Variants in TRIM44 observed in about 807,000 individuals in gnomAD.
TRIM44 encodes the protein tripartite motif containing 44.
TRIM44 carries 13 observed loss-of-function variants against 37.4 expected under a neutral mutation model. The ratio of observed to expected loss-of-function variants is 0.35; its 90% CI spans 0.23 to 0.55. The LOEUF (loss-of-function observed/expected upper bound fraction) is 0.55, where lower values mean the gene tolerates loss of function less well. Ranked by LOEUF, TRIM44 falls within the 20% of genes least tolerant of loss-of-function variation. The probability of loss-of-function intolerance (pLI) is 0.89; values close to 1 mark genes in which losing one functional copy is unlikely to be tolerated. For synonymous variants in TRIM44, 175 were observed against 157.2 expected (o/e 1.11, Z -0.85); for missense variants, 426 against 437.2 (o/e 0.97, Z 0.23).
At chr11:35,720,220 T>C (rs1432992694) in intron 2 of TRIM44, among the ~76,000 whole-genome samples, 1 of 152,206 alleles carries the variant, frequency 6.6e-6, no homozygotes, top group African/African-American at 2.4e-5. Flanking sequence ...TTTTATAGTT[T>C]TCCTCTTATA....
At chr11:35,775,133 C>CT (rs1380221198) in intron 4 of TRIM44, among the ~76,000 whole-genome samples, 3 of 152,198 alleles carry the variant, frequency 2.0e-5, no homozygotes, top group African/African-American at 7.2e-5. Context: ...TTTGTGTCCT[C>CT]TTTTATTTCA....
At chr11:35,759,879 A>G (rs1852698627) in intron 4 of TRIM44, among the ~76,000 whole-genome samples, 1 of 152,134 alleles carries the variant, frequency 6.6e-6, no homozygotes, top group Non-Finnish European at 1.5e-5. Context: ...AGGAGTACCC[A>G]GCCGTGTGAG....
intron 2 of TRIM44, among the ~76,000 whole-genome samples, chr11:35,709,966 A>C (rs1228999052): frequency 6.6e-6 from 1 of 152,222 alleles, no homozygotes; most frequent in East Asian, 1.9e-4. Context: ...AGACCAAAAA[A>C]AAGTAAAATG....
At chr11:35,740,279 T>C (rs910821466) in intron 4 of TRIM44, among the ~76,000 whole-genome samples, 16 of 152,104 alleles carry the variant, frequency 1.1e-4, no homozygotes, top group Non-Finnish European at 1.2e-4. Context: ...TGGAGCCTGC[T>C]GAGAAGTAAT....
At chr11:35,747,500 G>A (rs1429465888) in intron 4 of TRIM44, among the ~76,000 whole-genome samples, 3 of 152,176 alleles carry the variant, frequency 2.0e-5, no homozygotes, top group Admixed American at 1.3e-4. Flanking sequence ...TTTGTCAGAA[G>A]ATGGAAGATT....
chr11:35,779,445 C>T (rs1853028838), intron 4 of TRIM44, among the ~76,000 whole-genome samples: 1 of 152,064 alleles, frequency 6.6e-6, no homozygotes, highest in African/African-American at 2.4e-5. Context: ...TGAGCTGCAC[C>T]CACTGTCCGA....
Position 35,663,500 on chromosome 11 carries a change from A to T in TRIM44, c.389A>T (p.Glu130Val). The T allele has an allele frequency of 6.3e-7, 1 of 1,584,578 alleles. No individual in the cohort carries two copies. Among genetic ancestry groups the T allele is most frequent in the South Asian group, 1.1e-5 (1 of 87,914 alleles). ...GATGAGGAGAGTGAAGAAGACAGCG[A>T]GGAAGAAATGGAGGATGAGCAAGAA... ...ESDEESEEDS[E>V]EEMEDEQESE... Residue 130 changes from glutamate (E) to valine (V), a missense_variant, in exon 1 of 5, where the codon GAG becomes GTG. This residue lies in a region of TRIM44 where 331 missense variants were observed against 303.0 expected (regional missense o/e 1.09). Coordinates refer to ENST00000299413, the MANE Select transcript of TRIM44 (RefSeq NM_017583.6).
At chr11:35,752,689 A>G (rs564521286) in intron 4 of TRIM44, among the ~76,000 whole-genome samples, 1 of 152,202 alleles carries the variant, frequency 6.6e-6, no homozygotes, top group African/African-American at 2.4e-5. Context: ...CACCTTAGCC[A>G]TATTGCTTTC....
intron 2 of TRIM44, among the ~76,000 whole-genome samples, chr11:35,703,948 G>GAT (rs1449795676): frequency 6.6e-6 from 1 of 152,144 alleles, no homozygotes; most frequent in African/African-American, 2.4e-5. Flanking sequence ...GGCTTCAGAC[G>GAT]ATCAAACTAC....
In TRIM44 at chr11:35,732,371, A is replaced by C. The variant is rs11825407; in HGVS notation, c.988-3055A>C. On this transcript the variant is annotated intron_variant, in intron 3 of 4. Coordinates refer to ENST00000299413, the MANE Select transcript of TRIM44 (RefSeq NM_017583.6). ...GGAGCAGTGCTTAATCTAACAAGTC[A>C]TTTAAATGGAAGTTGGTATTTAATA... Among the ~76,000 whole-genome samples, 280 of 152,316 alleles carry C rather than the reference A, an allele frequency of 1.8e-3. 2 individuals carry two copies. Among genetic ancestry groups the C allele is most frequent in the African/African-American group, 6.5e-3 (269 of 41,576 alleles).
chr11:35,786,450 A>G (rs1299869762), intron 4 of TRIM44, among the ~76,000 whole-genome samples: 2 of 152,188 alleles, frequency 1.3e-5, no homozygotes, highest in African/African-American at 4.8e-5. Flanking sequence ...GGACAGGAAA[A>G]GCCACCACAC....
intron 4 of TRIM44, among the ~76,000 whole-genome samples, chr11:35,792,111 A>T (rs2942381): frequency 0.021 from 2,428 of 114,336 alleles, 132 homozygotes; most frequent in East Asian, 0.17. Flanking sequence ...ACACACACAC[A>T]CTCTCTCTCA....
At chr11:35,768,635 A>G (rs2133864425) in intron 4 of TRIM44, among the ~76,000 whole-genome samples, 2 of 152,318 alleles carry the variant, frequency 1.3e-5, no homozygotes, top group South Asian at 4.1e-4. Context: ...AGTTGCAACA[A>G]GTTTATACTT....
At chr11:35,752,528 A>G (rs1030201844) in intron 4 of TRIM44, among the ~76,000 whole-genome samples, 6 of 151,594 alleles carry the variant, frequency 4.0e-5, no homozygotes, top group Non-Finnish European at 5.9e-5. Context: ...TAAGTCCGCA[A>G]GTCCCCTTGA....
At chr11:35,711,023 G>A (rs1851963692) in intron 2 of TRIM44, among the ~76,000 whole-genome samples, 2 of 152,302 alleles carry the variant, frequency 1.3e-5, no homozygotes, top group South Asian at 4.2e-4. Flanking sequence ...ACTCAATACT[G>A]TATGGGACTG....
chr11:35,737,506 A>G (rs939496930), intron 4 of TRIM44, among the ~76,000 whole-genome samples: 1 of 151,390 alleles, frequency 6.6e-6, no homozygotes, highest in Admixed American at 6.6e-5. Context: ...ACATTATAAG[A>G]CTCTGTCTCT....
intron 4 of TRIM44, among the ~76,000 whole-genome samples, chr11:35,773,043 A>C (rs939953718): frequency 1.3e-5 from 2 of 152,086 alleles, no homozygotes; most frequent in African/African-American, 4.8e-5. Context: ...CCCCCATGCT[A>C]TTCTCATGGT....
intron 2 of TRIM44, among the ~76,000 whole-genome samples, chr11:35,725,301 A>G (rs1222232655): frequency 6.6e-6 from 1 of 152,140 alleles, no homozygotes; most frequent in Non-Finnish European, 1.5e-5. Flanking sequence ...ATACCAAACT[A>G]TTAACAGTAA....
At chr11:35,673,399 T>G (rs1195586914) in intron 1 of TRIM44, among the ~76,000 whole-genome samples, 1 of 152,328 alleles carries the variant, frequency 6.6e-6, no homozygotes, top group Admixed American at 6.5e-5. Context: ...AATGAACAAC[T>G]CCTTATAGAA....
Sources: gnomAD v4.1 joint callset for allele counts (sites outside exome capture counted in the v4.1 genomes callset) on GRCh38, gnomAD v4.1.1 for gene constraint, gnomAD v4.1.1 regional missense constraint, MANE v1.5 for transcripts, NCBI Gene and HGNC (gene_info 2026-07-23, HGNC 2026-07-21) for gene names.